Variants in CDC42BPA observed in about 807,000 individuals in gnomAD.
CDC42BPA encodes serine/threonine-protein kinase MRCK alpha.
A neutral mutation model predicts 223.5 loss-of-function variants in CDC42BPA; 80 were observed. The observed-to-expected ratio is 0.36, with a 90% CI of 0.30 to 0.43. The LOEUF is 0.43. CDC42BPA is among the 20% of genes least tolerant of loss of function. The pLI is 1.00. For synonymous variants in CDC42BPA, 694 were observed against 718.6 expected (o/e 0.97, Z 0.55); for missense variants, 1,743 against 2,099.9 (o/e 0.83, Z 3.32).
intron 31 of CDC42BPA, 152 bp from the exon 32 acceptor site, chr1:227,023,499 C>A: frequency 2.0e-6 from 1 of 501,358 alleles, no homozygotes. Context: ...ATAATTCTGA[C>A]TGGAAAGGTA....
At chr1:227,089,418 AAG>A in intron 16 of CDC42BPA, among the ~76,000 whole-genome samples, 1 of 152,216 alleles carries the variant, frequency 6.6e-6, no homozygotes, top group Non-Finnish European at 1.5e-5. Flanking sequence ...GAGAATTAGG[AAG>A]AGAGAGATGC....
intron 3 of CDC42BPA, among the ~76,000 whole-genome samples, chr1:227,211,386 A>G (rs1673866367): frequency 6.6e-6 from 1 of 152,130 alleles, no homozygotes; most frequent in Admixed American, 6.6e-5. Flanking sequence ...CCATCCAGCA[A>G]TCCCACTACT....
At chr1:227,015,855 A>AAC (rs973477813) in intron 34 of CDC42BPA, among the ~76,000 whole-genome samples, 1 of 152,358 alleles carries the variant, frequency 6.6e-6, no homozygotes, top group Admixed American at 6.5e-5. Context: ...TCCAATATGG[A>AAC]ACTAAGTAAG....
At chr1:227,259,625 A>G (rs1683703857) in intron 1 of CDC42BPA, among the ~76,000 whole-genome samples, 1 of 150,922 alleles carries the variant, frequency 6.6e-6, no homozygotes, top group Admixed American at 6.6e-5. Flanking sequence ...CATAAAATCC[A>G]TAAGGTACAT....
chr1:227,189,633 A>G (rs1027098145), intron 5 of CDC42BPA, among the ~76,000 whole-genome samples: 11 of 152,128 alleles, frequency 7.2e-5, no homozygotes, highest in African/African-American at 1.9e-4. Flanking sequence ...TGGCTACTCA[A>G]TGTTATTAGA....
chr1:227,304,856 G>T (rs536067697), intron 1 of CDC42BPA, among the ~76,000 whole-genome samples: 1 of 152,238 alleles, frequency 6.6e-6, no homozygotes, highest in South Asian at 2.1e-4. Flanking sequence ...CTATGGTAGT[G>T]GTCACATGAC....
At chr1:227,136,168 A>C (rs190771530) in intron 10 of CDC42BPA, among the ~76,000 whole-genome samples, 86 of 152,288 alleles carry the variant, frequency 5.6e-4, no homozygotes, top group African/African-American at 2.0e-3. Context: ...ATACATAAAA[A>C]TATGGGGAAA....
At chr1:227,226,548 C>G (rs1170593948) in intron 2 of CDC42BPA, among the ~76,000 whole-genome samples, 1 of 152,076 alleles carries the variant, frequency 6.6e-6, no homozygotes, top group Non-Finnish European at 1.5e-5. Context: ...GAGGCAGAAA[C>G]AGGAAAGATT....
chr1:227,310,973 A>C (rs996053264), intron 1 of CDC42BPA, among the ~76,000 whole-genome samples: 1 of 151,878 alleles, frequency 6.6e-6, no homozygotes, highest in African/African-American at 2.4e-5. Context: ...TTACAGGCGT[A>C]AACCACCGCA....
At chr1:227,132,477 G>A (rs1657353548) in intron 10 of CDC42BPA, among the ~76,000 whole-genome samples, 5 of 136,480 alleles carry the variant, frequency 3.7e-5, no homozygotes, top group African/African-American at 1.4e-4. Flanking sequence ...ATCTCGGCTC[G>A]CTACAACATC....
At chr1:227,060,737 T>TTTTTTTTTTTTTTTTTTTTTC (rs1675740126) in intron 21 of CDC42BPA, among the ~76,000 whole-genome samples, 1 of 146,518 alleles carries the variant, frequency 6.8e-6, no homozygotes, top group Non-Finnish European at 1.5e-5. Context: ...TTTTTTTTTT[T>TTTTTTTTTTTTTTTTTTTTTC]TTTTGAGACA....
At position 227,112,729 on chromosome 1, in the gene CDC42BPA, A is replaced by T; in HGVS notation, c.1832T>A (p.Met611Lys). The T allele has an allele frequency of 6.2e-7, 1 of 1,614,036 alleles. No individual in the cohort carries two copies. The change falls in exon 13 of 37, where the codon ATG becomes AAG. Residue 611 changes from methionine to lysine, a missense_variant. Around this residue, in one of 6 missense-constraint regions of CDC42BPA, gnomAD observed 464 missense variants for 488.0 expected, o/e 0.95. Coordinates refer to ENST00000366766, the MANE Select transcript of CDC42BPA (RefSeq NM_001394014.1). ...RDKEEEVDLVMQKVESLRQEL... is the reference protein window; with the variant it reads ...RDKEEEVDLVKQKVESLRQEL... ...TTGCCTTAAGCTTTCAACTTTTTGC[A>T]TCACCAGGTCCACCTCTTCTTCCTT...
At chr1:227,103,137 T>G (rs1042474952) in intron 14 of CDC42BPA, among the ~76,000 whole-genome samples, 8 of 152,064 alleles carry the variant, frequency 5.3e-5, no homozygotes, top group African/African-American at 1.9e-4. Context: ...CATATAAAAT[T>G]GTCTCTCTGA....
intron 11 of CDC42BPA, among the ~76,000 whole-genome samples, chr1:227,121,477 A>C (rs528310876): frequency 6.6e-6 from 1 of 152,330 alleles, no homozygotes; most frequent in East Asian, 1.9e-4. Context: ...CAATAAATTG[A>C]TAGATTTAAA....
chr1:227,147,713 A>G (rs1279257081), intron 6 of CDC42BPA, among the ~76,000 whole-genome samples, 154 bp from the exon 7 acceptor site: 2 of 152,196 alleles, frequency 1.3e-5, no homozygotes, highest in Non-Finnish European at 2.9e-5. Context: ...GTTAAATTGT[A>G]TATTATCCCC....
chr1:227,271,958 A>C (rs1460351598), intron 1 of CDC42BPA, among the ~76,000 whole-genome samples: 3 of 152,208 alleles, frequency 2.0e-5, no homozygotes, highest in African/African-American at 7.2e-5. Flanking sequence ...AGAAAGAAAA[A>C]ATAAATATAG....
chr1:227,106,289 T>C (rs1056450097), intron 14 of CDC42BPA, among the ~76,000 whole-genome samples: 2 of 152,134 alleles, frequency 1.3e-5, no homozygotes, highest in Non-Finnish European at 1.5e-5. Context: ...TTTGATTGAG[T>C]TGTCTTTCTG....
chr1:227,063,315 A>C (rs1676320905), intron 21 of CDC42BPA, among the ~76,000 whole-genome samples: 1 of 152,158 alleles, frequency 6.6e-6, no homozygotes, highest in African/African-American at 2.4e-5. Context: ...ATATAGGTCC[A>C]TGACATGCCA....
intron 10 of CDC42BPA, among the ~76,000 whole-genome samples, chr1:227,132,463 C>T (rs900268052): frequency 3.6e-5 from 5 of 140,778 alleles, no homozygotes; most frequent in South Asian, 2.1e-4. Flanking sequence ...AGTGCAGTGG[C>T]GTGATCTCGG....
Sources: allele counts gnomAD v4.1 joint callset (sites outside exome capture counted in the v4.1 genomes callset), GRCh38; gene constraint gnomAD v4.1.1; regional missense constraint gnomAD v4.1.1; transcripts MANE v1.5; gene names NCBI Gene and HGNC (gene_info 2026-07-23, HGNC 2026-07-21).